MMP26: variants seen among roughly 807,000 people sequenced by gnomAD.
The protein encoded by MMP26 is matrix metallopeptidase 26, also known as matrix metalloproteinase-26.
MMP26 carries 33 observed loss-of-function variants against 31.0 expected under a neutral mutation model. That is an observed-to-expected ratio of 1.06 (90% CI 0.81 to 1.42). MMP26 has a LOEUF of 1.42. Among genes scored for constraint, MMP26 ranks in the 40% most tolerant of loss-of-function variants. MMP26 has a pLI of 0.00. For synonymous variants in MMP26, 122 were observed against 114.9 expected (o/e 1.06, Z -0.40); for missense variants, 347 against 316.1 (o/e 1.10, Z -0.74).
At chr11:4,812,776 G>A (rs1046350541) in intron 2 of MMP26, among the ~76,000 whole-genome samples, 4 of 152,124 alleles carry the variant, frequency 2.6e-5, no homozygotes, top group Non-Finnish European at 4.4e-5. Flanking sequence ...AAGACAGGCT[G>A]TTAATTTACA....
chr11:4,983,464 A>G (rs1846843582), intron 2 of MMP26, among the ~76,000 whole-genome samples: 2 of 152,222 alleles, frequency 1.3e-5, no homozygotes, highest in African/African-American at 4.8e-5. Flanking sequence ...CCTGAGTAAC[A>G]GAAAAAGTGG....
intron 2 of MMP26, among the ~76,000 whole-genome samples, chr11:4,899,089 T>C (rs1266754938): frequency 6.6e-6 from 1 of 152,064 alleles, no homozygotes; most frequent in Admixed American, 6.6e-5. Flanking sequence ...CCAACAAGGG[T>C]TATAAACTGG....
chr11:4,751,416 G>A (rs1564901043), intron 1 of MMP26, among the ~76,000 whole-genome samples: 1 of 152,118 alleles, frequency 6.6e-6, no homozygotes, highest in Non-Finnish European at 1.5e-5. Flanking sequence ...AATATTTAAT[G>A]AGGAAGATAT....
intron 2 of MMP26, among the ~76,000 whole-genome samples, chr11:4,809,906 A>AC (rs1371752407): frequency 6.6e-6 from 1 of 152,130 alleles, no homozygotes; most frequent in Admixed American, 6.5e-5. Flanking sequence ...ACTCACCCAG[A>AC]CCTCTACTCT....
intron 1 of MMP26, among the ~76,000 whole-genome samples, chr11:4,740,648 A>C (rs1373215266): frequency 6.6e-6 from 1 of 150,720 alleles, no homozygotes; most frequent in Admixed American, 6.6e-5. Flanking sequence ...GCACCACTGC[A>C]CTCCAGCCTG....
chr11:4,728,298 A>G (rs1438505116), intron 1 of MMP26, among the ~76,000 whole-genome samples: 1 of 152,256 alleles, frequency 6.6e-6, no homozygotes, highest in Non-Finnish European at 1.5e-5. Context: ...TAATGAAGGC[A>G]TGATTTCCAT....
chr11:4,766,818 T>C (rs1274593648), intron 1 of MMP26, among the ~76,000 whole-genome samples: 1 of 151,296 alleles, frequency 6.6e-6, no homozygotes, highest in East Asian at 2.0e-4. Flanking sequence ...TTGCAGTGAC[T>C]CTGACAATTT....
intron 2 of MMP26, among the ~76,000 whole-genome samples, chr11:4,808,989 A>C (rs16906303): frequency 0.035 from 5,384 of 151,810 alleles, 135 homozygotes; most frequent in South Asian, 0.064. Flanking sequence ...TGGAGTGGAC[A>C]TGGAATTAAC....
intron 2 of MMP26, among the ~76,000 whole-genome samples, chr11:4,823,518 A>G (rs765746591): frequency 1.1e-4 from 16 of 152,110 alleles, no homozygotes; most frequent in Non-Finnish European, 2.1e-4. Flanking sequence ...ATTTTTGGTT[A>G]GCATCAACTT....
At chr11:4,863,076 G>C (rs1415134169) in intron 2 of MMP26, among the ~76,000 whole-genome samples, 1 of 152,030 alleles carries the variant, frequency 6.6e-6, no homozygotes, top group Admixed American at 6.6e-5. Context: ...TTTTTCTTGG[G>C]ACCTACTTGA....
chr11:4,827,269 AT>A (rs1298139491), intron 2 of MMP26, among the ~76,000 whole-genome samples: 1 of 152,184 alleles, frequency 6.6e-6, no homozygotes, highest in African/African-American at 2.4e-5. Context: ...TCACCTCAGA[AT>A]GAGGTATGAG....
intron 2 of MMP26, among the ~76,000 whole-genome samples, chr11:4,856,382 C>T (rs1277446833): frequency 1.8e-4 from 27 of 152,098 alleles, no homozygotes; most frequent in South Asian, 4.2e-4. Flanking sequence ...GGAAGATCTA[C>T]CAAGCAAATG....
At chr11:4,941,403 G>A (rs2133600734) in intron 2 of MMP26, among the ~76,000 whole-genome samples, 1 of 152,284 alleles carries the variant, frequency 6.6e-6, no homozygotes, top group African/African-American at 2.4e-5. Flanking sequence ...CTTTTCACCA[G>A]AAATCTTTGT....
chr11:4,946,330 G>T, intron 2 of MMP26: 1 of 1,613,884 alleles, frequency 6.2e-7, no homozygotes, highest in Non-Finnish European at 8.5e-7. Context: ...CGGCCAGGTT[G>T]ATGATGGGCA....
chr11:4,988,319 A>G lies in MMP26; in HGVS notation c.99+9A>G. ...GATGGGACTTTGTTGAGGTAGGTGA[A>G]CGACTCAGGACCACATTATTACATG... On this transcript the variant is annotated intron_variant, in intron 3 of 7. Transcript: ENST00000380390. 3 of 1,607,330 alleles carry G rather than the reference A, an allele frequency of 1.9e-6. No individual in the cohort carries two copies. Among genetic ancestry groups the G allele is most frequent in the South Asian group, 2.2e-5 (2 of 90,962 alleles).
intron 2 of MMP26, chr11:4,914,821 C>T (rs1182152992): frequency 6.2e-7 from 1 of 1,613,976 alleles, no homozygotes. Flanking sequence ...ACATGAAACC[C>T]ATGACCACCT....
Position 4,869,404 on chromosome 11 carries a change from G to A in MMP26, c.-145+102063G>A, listed in dbSNP as rs192350677. Among the ~76,000 whole-genome samples, 529 of 152,204 alleles carry A rather than the reference G, an allele frequency of 3.5e-3. 6 individuals are homozygous for A. Among genetic ancestry groups the A allele is most frequent in the African/African-American group, 0.012 (481 of 41,528 alleles). On this transcript the variant is annotated intron_variant, in intron 2 of 7. Transcript: ENST00000380390. Reference sequence around the variant, plus strand: ...AAAACAGCCCCATCAAAAAGTGGGCGAAGGATATGAACAGACACTTCTCAA... The same window carrying A: ...AAAACAGCCCCATCAAAAAGTGGGCAAAGGATATGAACAGACACTTCTCAA...
rs773364851 is a variant in MMP26 at position 4,769,543 on chromosome 11, A to G, written c.-145+2202A>G. On this transcript the variant is annotated intron_variant, in intron 2 of 7. Transcript: ENST00000380390. The stretch of plus-strand genomic sequence containing the variant: ...ACCTCAGAGGGTCACAGATGGCCAC[A>G]TAACGGTCAAAGGCTGTAGCCACCA... 3.7e-6 allele frequency: 6 copies of G among 1,613,824 alleles called. No individual in the cohort carries two copies. In the Admixed American group the frequency reaches 5.0e-5, roughly 13 times the overall value.
rs140842023 is a variant in MMP26, at chr11:4,916,680, A to C, written c.-144-71388A>C. On this transcript the variant is annotated intron_variant, in intron 2 of 7. Transcript: ENST00000380390. ...AGCTCATAAATGCTGCTCAGCTTAC[A>C]GAATTCCAGAGAAAGGTGGAGAGTA... is the stretch of plus-strand genomic sequence containing the variant. Among the ~76,000 whole-genome samples the C allele has an allele frequency of 3.9e-3, 594 of 152,326 alleles. 7 individuals carry two copies. The highest frequency in any genetic ancestry group is 0.013 in the African/African-American group (541 of 41,578).
Sources: allele counts gnomAD v4.1 joint callset (sites outside exome capture counted in the v4.1 genomes callset), GRCh38; gene constraint gnomAD v4.1.1; transcripts MANE v1.5; gene names NCBI Gene and HGNC (gene_info 2026-07-23, HGNC 2026-07-21).